The following MED15 variants were observed in gnomAD, a reference collection of about 807,000 sequenced individuals.
MED15 encodes the protein mediator of RNA polymerase II transcription subunit 15.
MED15 carries 41 observed loss-of-function variants against 118.7 expected under a neutral mutation model. That is an observed-to-expected ratio of 0.35 (90% CI 0.27 to 0.45). MED15 has a LOEUF of 0.45. Among genes scored for constraint, MED15 ranks in the 20% least tolerant of loss-of-function variants. MED15 has a pLI of 1.00. For synonymous variants in MED15, 436 were observed against 413.9 expected (o/e 1.05, Z -0.65); for missense variants, 740 against 1,025.5 (o/e 0.72, Z 3.80).
chr22:20,581,717 G>C (rs2056988393), intron 9 of MED15, among the ~76,000 whole-genome samples: 1 of 152,188 alleles, frequency 6.6e-6, no homozygotes, highest in South Asian at 2.1e-4. Flanking sequence ...CCCCAGGAAG[G>C]TGTGGGTGTT....
chr22:20,578,216 C>T (rs1176614439), intron 9 of MED15, among the ~76,000 whole-genome samples: 2 of 152,210 alleles, frequency 1.3e-5, no homozygotes, highest in Non-Finnish European at 2.9e-5. Context: ...TGAACCACTG[C>T]GCCCAGCCTT....
At chr22:20,520,221 G>T (rs1239543678) in intron 1 of MED15, among the ~76,000 whole-genome samples, 2 of 152,202 alleles carry the variant, frequency 1.3e-5, no homozygotes, top group Admixed American at 6.5e-5. Flanking sequence ...AGCAGTGCTT[G>T]TAGGTTAAGA....
intron 9 of MED15, among the ~76,000 whole-genome samples, chr22:20,579,940 C>T (rs1278181705): frequency 6.6e-6 from 1 of 152,142 alleles, no homozygotes; most frequent in Non-Finnish European, 1.5e-5. Flanking sequence ...ACCTCTCTGG[C>T]TGCCTCCCTA....
At chr22:20,515,348 T>C (rs1483504773) in intron 1 of MED15, among the ~76,000 whole-genome samples, 1 of 152,174 alleles carries the variant, frequency 6.6e-6, no homozygotes, top group Non-Finnish European at 1.5e-5. Flanking sequence ...TTAGAGTTAC[T>C]CTACATGTTG....
intron 1 of MED15, among the ~76,000 whole-genome samples, chr22:20,535,967 T>A: frequency 7.0e-6 from 1 of 142,534 alleles, no homozygotes; most frequent in South Asian, 2.3e-4. Flanking sequence ...AACCTCCACC[T>A]CCCGGTTCAA....
intron 8 of MED15, 197 bp from the exon 9 acceptor site, chr22:20,574,916 C>A: frequency 1.4e-6 from 1 of 705,370 alleles, no homozygotes; most frequent in Non-Finnish European, 2.4e-6. Flanking sequence ...TTCTAGATTC[C>A]CAATGCCCAG....
chr22:20,513,722 C>T (rs1439129375), intron 1 of MED15, among the ~76,000 whole-genome samples: 2 of 152,198 alleles, frequency 1.3e-5, no homozygotes, highest in Non-Finnish European at 2.9e-5. Flanking sequence ...CTGCCACCAC[C>T]TCCTGTGCCC....
chr22:20,512,722 G>A (rs1313197321), intron 1 of MED15, among the ~76,000 whole-genome samples: 5 of 150,590 alleles, frequency 3.3e-5, no homozygotes, highest in Non-Finnish European at 7.4e-5. Flanking sequence ...CTCCTGAGTA[G>A]CTGGGACTAC....
At chr22:20,509,689 T>A (rs1273565143) in intron 1 of MED15, among the ~76,000 whole-genome samples, 1 of 152,192 alleles carries the variant, frequency 6.6e-6, no homozygotes, top group Non-Finnish European at 1.5e-5. Context: ...TTAGTAGCTA[T>A]GGGCTTTGGG....
chr22:20,551,750 T>C (rs2055784984), intron 3 of MED15: 1 of 531,256 alleles, frequency 1.9e-6, no homozygotes, highest in Non-Finnish European at 3.4e-6. Flanking sequence ...GCTGCTTCAC[T>C]TGCTCACTTA....
At chr22:20,523,789 T>C in intron 1 of MED15, 3 of 985,406 alleles carry the variant, frequency 3.0e-6, no homozygotes, top group Non-Finnish European at 3.6e-6. Context: ...TGAAGGAAGC[T>C]CGTGTATTCT....
chr22:20,569,459 C>T (rs148467741), intron 8 of MED15, among the ~76,000 whole-genome samples: 2 of 152,268 alleles, frequency 1.3e-5, no homozygotes, highest in East Asian at 1.9e-4. Flanking sequence ...GCTGGCAGTG[C>T]GCCTGCACTT....
chr22:20,515,741 G>A (rs145506338), intron 1 of MED15, among the ~76,000 whole-genome samples: 16,455 of 151,306 alleles, frequency 0.11, 1,253 homozygotes, highest in Non-Finnish European at 0.15. Context: ...AGCCAAGGTC[G>A]CGCCACTGCA....
chr22:20,532,748 G>GCTT (rs2054909492), intron 1 of MED15, among the ~76,000 whole-genome samples: 3 of 152,208 alleles, frequency 2.0e-5, no homozygotes, highest in Admixed American at 2.0e-4. Flanking sequence ...TACTGTTTGT[G>GCTT]AACCTGTTGC....
Position 20,583,841 on chromosome 22 carries a change from T to A in MED15, c.1736+448T>A, listed in dbSNP as rs940003755. 10 of 235,486 alleles carry A rather than the reference T, an allele frequency of 4.2e-5. No individual in the cohort carries two copies. The Admixed American group carries it at 5.0e-4, about 12-fold the overall frequency. 14.6% of individuals were successfully genotyped at this position (235,486 alleles called of 1,614,324 possible). A position where few individuals can be genotyped will look rare whatever the true frequency, so the allele number is the denominator to read the frequency against. ...CAAGGTGGCGCTGGTGAGAAGCAGG[T>A]GGAAGGCAGGGCTGCTGGCCACAGG... On this transcript the variant is annotated intron_variant, in intron 13 of 17. Coordinates refer to ENST00000263205, the MANE Select transcript of MED15 (RefSeq NM_001003891.3).
intron 1 of MED15, among the ~76,000 whole-genome samples, chr22:20,535,630 G>A (rs1217804497): frequency 1.3e-5 from 2 of 150,608 alleles, no homozygotes; most frequent in South Asian, 4.2e-4. Context: ...CGCAATCTCC[G>A]CTCACTGCCA....
intron 7 of MED15, 38 bp downstream of exon 7, chr22:20,566,855 C>T (rs769499560): frequency 1.7e-5 from 27 of 1,600,420 alleles, no homozygotes; most frequent in East Asian, 2.2e-5. Context: ...ACATGCAGCC[C>T]GTGGCTCTGT....
intron 2 of MED15, among the ~76,000 whole-genome samples, chr22:20,540,426 C>G (rs2055250942): frequency 6.6e-6 from 1 of 152,030 alleles, no homozygotes; most frequent in Admixed American, 6.6e-5. Context: ...TAAAAAACAC[C>G]AGCCAGGCAT....
intron 8 of MED15, among the ~76,000 whole-genome samples, chr22:20,572,240 C>T (rs1393268357): frequency 6.6e-6 from 1 of 152,210 alleles, no homozygotes; most frequent in African/African-American, 2.4e-5. Context: ...TTGGAGCTCC[C>T]CTTGTGTTGT....
Sources: allele counts gnomAD v4.1 joint callset (sites outside exome capture counted in the v4.1 genomes callset), GRCh38; gene constraint gnomAD v4.1.1; transcripts MANE v1.5; gene names NCBI Gene and HGNC (gene_info 2026-07-23, HGNC 2026-07-21).